The following PARP10 variants were observed in gnomAD, a reference collection of about 807,000 sequenced individuals.
PARP10 encodes protein mono-ADP-ribosyltransferase PARP10.
PARP10 carries 56 observed loss-of-function variants against 82.4 expected under a neutral mutation model. The ratio of observed to expected loss-of-function variants is 0.68; its 90% CI spans 0.55 to 0.85. The LOEUF (loss-of-function observed/expected upper bound fraction) is 0.85. Ranked by LOEUF, PARP10 falls within the 40% of genes least tolerant of loss-of-function variation. The pLI is 0.00. For synonymous variants in PARP10, 576 were observed against 601.1 expected, an observed-to-expected ratio of 0.96 and a Z score of 0.61; for missense variants, 1,227 against 1,379.4, an observed-to-expected ratio of 0.89 and a Z score of 1.75.
chr8:143,997,649 A>C (rs1460760167), intron 1 of PARP10, among the ~76,000 whole-genome samples: 1 of 152,088 alleles, frequency 6.6e-6, no homozygotes, highest in Non-Finnish European at 1.5e-5. Flanking sequence ...TCTTTGGAGA[A>C]CTTCCAGCCA....
intron 1 of PARP10, among the ~76,000 whole-genome samples, chr8:144,001,323 C>G (rs1378265826): frequency 3.3e-5 from 5 of 152,166 alleles, no homozygotes; most frequent in African/African-American, 4.8e-5. Flanking sequence ...GACGCTCCTA[C>G]CTCAGAGACC....
intron 1 of PARP10, among the ~76,000 whole-genome samples, chr8:144,010,677 C>T (rs1554752404): frequency 6.6e-6 from 1 of 152,112 alleles, no homozygotes; most frequent in Admixed American, 6.5e-5. Flanking sequence ...GAGTTTGAGG[C>T]CTGCCTGGGC....
upstream of PARP10, chr8:143,989,689 C>T (rs1255773871): frequency 2.6e-5 from 4 of 152,120 alleles, no homozygotes; most frequent in African/African-American, 7.2e-5. The surrounding 1 kb of genome is among the most constrained non-coding windows in gnomAD (Gnocchi z 4.3). Flanking sequence ...CACGAGGCCT[C>T]GATTTGGGAA....
chr8:143,978,713 G>A (rs544619329), intron 9 of PARP10, among the ~76,000 whole-genome samples: 1 of 152,246 alleles, frequency 6.6e-6, no homozygotes, highest in East Asian at 1.9e-4. Flanking sequence ...AGGAACTGAT[G>A]CAGAGTGAGA....
In PARP10 at chr8:143,983,623, G is replaced by A; in HGVS notation, c.1966C>T (p.Leu656=). The A allele has an allele frequency of 1.2e-6, 2 of 1,604,206 alleles. No homozygotes were observed. Among genetic ancestry groups the A allele is most frequent in the Non-Finnish European group, 1.7e-6 (2 of 1,175,362 alleles). Residue 656 remains leucine (L), a synonymous_variant, in exon 8 of 11, where the codon CTG becomes TTG. Transcript: ENST00000313028. ...AGTGACCGGTGGAGGGCCAGCTGCA[G>A]AGCGGCCTCCTCCTCCAGCCACCTG... ...APRWLEEEAA[L]QLALHRSLEP...
upstream of PARP10, among the ~76,000 whole-genome samples, chr8:143,988,216 C>T (rs1554749834): frequency 7.3e-6 from 1 of 136,430 alleles, no homozygotes; most frequent in African/African-American, 2.8e-5. Context: ...GTGCCGTGAT[C>T]TCGGCTCACT....
At position 143,983,649 on chromosome 8, in the gene PARP10, G is replaced by A. The variant is rs143844399; in HGVS notation, c.1940C>T (p.Pro647Leu). The A allele has an allele frequency of 2.5e-6, 4 of 1,607,806 alleles. No homozygotes were observed. The African/African-American group carries it at 5.3e-5, about 21-fold the overall frequency. ...EEPVAPSTVA[P>L]RWLEEEAALQ... Reference sequence around the variant, plus strand: ...AGCGGCCTCCTCCTCCAGCCACCTGGGTGCCACAGTGCTGGGGGCCACAGG... The same window carrying A: ...AGCGGCCTCCTCCTCCAGCCACCTGAGTGCCACAGTGCTGGGGGCCACAGG... Residue 647 changes from proline to leucine, a missense_variant, in exon 8 of 11, where the codon CCC (proline) becomes CTC (leucine). Physicochemically the swap from Pro to Leu is moderately conservative, Grantham distance 98 (BLOSUM62 -3). Transcript: ENST00000313028.
chr8:143,997,592 G>A lies in PARP10; in HGVS notation c.-79-11154C>T, dbSNP rs192814614. Among the ~76,000 whole-genome samples the A allele has an allele frequency of 1.4e-4, 22 of 152,112 alleles. No individual in the cohort carries two copies. The East Asian group carries it at 3.5e-3, about 24-fold the overall frequency. On this transcript the variant is annotated intron_variant, in intron 1 of 3. Transcript: ENST00000530478. ...AAAGGGATCTTTTTGATGAACAATCGAATAATGTCATTCCCCTGCTTAAAC... is the reference window on the plus strand; with the variant it reads ...AAAGGGATCTTTTTGATGAACAATCAAATAATGTCATTCCCCTGCTTAAAC...
Position 143,984,843 on chromosome 8 carries a change from G to T in PARP10, c.1159C>A (p.Pro387Thr). 1.2e-6 allele frequency: 2 copies of T among 1,612,430 alleles called. No homozygotes were observed. Among genetic ancestry groups the T allele is most frequent in the Non-Finnish European group, 1.7e-6 (2 of 1,178,984 alleles). The change falls in exon 5 of 11, where the codon CCA becomes ACA. Residue 387 changes from proline to threonine, a missense_variant. Pro to Thr is a conservative substitution (Grantham distance 38). Coordinates refer to ENST00000313028, the MANE Select transcript of PARP10 (RefSeq NM_032789.5). ...MSLGPVGSAG[P>T]VETSKGLLGQ... The stretch of plus-strand genomic sequence containing the variant: ...AGCAACCCCTTAGAGGTCTCCACTG[G>T]GCCTGCAGACCCCACAGGCCCCAGG...
At chr8:144,001,275 G>A (rs1179991118) in intron 1 of PARP10, among the ~76,000 whole-genome samples, 3 of 152,006 alleles carry the variant, frequency 2.0e-5, no homozygotes, top group African/African-American at 7.3e-5. Context: ...GCAGAGGCAT[G>A]GTCACGGCTC....
At chr8:143,994,770 C>G (rs1031923303), upstream of PARP10, among the ~76,000 whole-genome samples, 27 of 152,316 alleles carry the variant, frequency 1.8e-4, no homozygotes, top group African/African-American at 6.5e-4. Context: ...ACGGCTCCCC[C>G]TTCCCCCACC....
intron 1 of PARP10, among the ~76,000 whole-genome samples, chr8:143,998,993 CTCCTTCCT>C (rs34794348): frequency 2.0e-5 from 3 of 146,566 alleles, no homozygotes; most frequent in East Asian, 4.1e-4. Context: ...TTAATTCTTT[CTCCTTCCT>C]TCCTTCCTTC....
chr8:143,991,958 C>G, upstream of PARP10: 1 of 1,613,760 alleles, frequency 6.2e-7, no homozygotes, highest in Non-Finnish European at 8.5e-7. Flanking sequence ...AGGTGAAGGG[C>G]TTTGTCCGGG....
chr8:143,977,310 G>A lies in PARP10; in HGVS notation c.*174C>T, dbSNP rs1134029. The A allele has an allele frequency of 0.4, 282,719 of 706,638 alleles. 59,323 individuals carry two copies. The highest frequency in any genetic ancestry group is 0.59 in the African/African-American group (32,556 of 55,088). 43.8% of individuals were successfully genotyped at this position (706,638 alleles called of 1,614,324 possible). On this transcript the variant is annotated 3_prime_UTR_variant, in exon 11 of 11. Coordinates refer to ENST00000313028, the MANE Select transcript of PARP10 (RefSeq NM_032789.5). ...GTCGGCCCAGGCTGGGACCTAGCCCGGCCCCCCTCGGCCGCTGCTGACCGC... is the reference window on the plus strand; with the variant it reads ...GTCGGCCCAGGCTGGGACCTAGCCCAGCCCCCCTCGGCCGCTGCTGACCGC...
chr8:143,981,278 G>A (rs1197332178), intron 9 of PARP10, among the ~76,000 whole-genome samples: 1 of 152,210 alleles, frequency 6.6e-6, no homozygotes, highest in Non-Finnish European at 1.5e-5. Context: ...TAATGGTGGT[G>A]ATGATGGTGG....
At chr8:144,010,377 G>A (rs1172761083) in intron 1 of PARP10, among the ~76,000 whole-genome samples, 1 of 152,164 alleles carries the variant, frequency 6.6e-6, no homozygotes, top group Non-Finnish European at 1.5e-5. Context: ...AAAGAACACT[G>A]GCATATGCAA....
rs782659757 is a variant in PARP10 at position 143,984,562 on chromosome 8, C to T, written c.1440G>A (p.Pro480=). The change falls in exon 5 of 11, where the codon CCG becomes CCA. Residue 480 remains proline, a synonymous_variant. Coordinates refer to ENST00000313028, the MANE Select transcript of PARP10 (RefSeq NM_032789.5). ...CACTCACCCGAAAGCCAGTCATATC[C>T]GGTCCTTCAAGTGGCAAGAGAGCGA... The part of the protein sequence containing the change: ...GDVALLPLEG[P]DMTGFRLCGA... 1.2e-5 allele frequency: 19 copies of T among 1,611,896 alleles called. No homozygotes were observed. The highest frequency in any genetic ancestry group is 7.7e-5 in the South Asian group (7 of 90,854).
At chr8:144,003,348 G>A (rs532738859) in intron 1 of PARP10, among the ~76,000 whole-genome samples, 2 of 151,394 alleles carry the variant, frequency 1.3e-5, no homozygotes, top group South Asian at 4.2e-4. Flanking sequence ...GCTTGAGCCT[G>A]GGAGGCGAAG....
chr8:143,982,904 A>G (rs782272469), intron 9 of PARP10, 28 bp downstream of exon 9: 1 of 1,610,228 alleles, frequency 6.2e-7, no homozygotes. Context: ...GGACGCCATG[A>G]GGCCAGAGAG....
Sources: allele counts gnomAD v4.1 joint callset (sites outside exome capture counted in the v4.1 genomes callset), GRCh38; gene constraint gnomAD v4.1.1; non-coding constraint Gnocchi (gnomAD v3.1); transcripts MANE v1.5; gene names NCBI Gene and HGNC (gene_info 2026-07-23, HGNC 2026-07-21).